ADAMTS1: variants seen among roughly 807,000 people sequenced by gnomAD.
ADAMTS1 encodes A disintegrin and metalloproteinase with thrombospondin motifs 1.
In ADAMTS1, 19 loss-of-function variants were observed where a neutral mutation model predicts 87.9. That is an observed-to-expected ratio of 0.22 (90% CI 0.15 to 0.32). The LOEUF is 0.32. Among genes scored for constraint, ADAMTS1 ranks in the 10% least tolerant of loss-of-function variants. The pLI, the probability that ADAMTS1 is intolerant of heterozygous loss-of-function variation, is 1.00. For synonymous variants in ADAMTS1, 542 were observed against 501.8 expected (o/e 1.08, Z -1.07); for missense variants, 1,240 against 1,259.1 (o/e 0.98, Z 0.23).
In ADAMTS1 at chr21:26,837,654, T is replaced by C. The variant is rs774821926; in HGVS notation, c.2829A>G (p.Leu943=). The C allele has an allele frequency of 9.9e-6, 16 of 1,614,198 alleles. No homozygotes were observed. In the South Asian group the frequency reaches 1.1e-4, roughly 11 times the overall value. Residue 943 remains leucine (L), a synonymous_variant, in exon 9 of 9, where the codon TTA becomes TTG. Transcript: ENST00000284984. ...LKCLSHDGGV[L]SHESCDPLKK... ...TTAAAGGATCACAGCTCTCATGAGA[T>C]AACACCCCTCCATCATGGGACAGAC...
At chr21:26,844,039 C>A (rs540490739) in intron 1 of ADAMTS1, among the ~76,000 whole-genome samples, 186 bp downstream of exon 1, 1 of 152,294 alleles carries the variant, frequency 6.6e-6, no homozygotes, top group Non-Finnish European at 1.5e-5. Flanking sequence ...CGGGCAAATG[C>A]AAGTATGTTT....
At position 26,844,369 on chromosome 21, in the gene ADAMTS1, C is replaced by A. The variant is rs567473733; in HGVS notation, c.586G>T (p.Gly196Cys). ...LRRNRQGDVG[G>C]TCGVVDDEPR... ...TCGTCGTCCACGACCCCGCACGTGCCGCCGACGTCGCCCTGCCGATTCCGC... is the reference window on the plus strand; with the variant it reads ...TCGTCGTCCACGACCCCGCACGTGCAGCCGACGTCGCCCTGCCGATTCCGC... Residue 196 changes from glycine (G) to cysteine (C), a missense_variant, in exon 1 of 9, where the codon GGC becomes TGC. Around this residue, in one of 3 missense-constraint regions of ADAMTS1, gnomAD observed 521 missense variants for 449.7 expected, o/e 1.16. Coordinates refer to ENST00000284984, the MANE Select transcript of ADAMTS1 (RefSeq NM_006988.5). 2.8e-5 allele frequency: 44 copies of A among 1,593,196 alleles called. No individual in the cohort carries two copies. The East Asian group carries it at 9.3e-4, about 34-fold the overall frequency.
intron 7 of ADAMTS1, 156 bp downstream of exon 7, chr21:26,839,431 C>A (rs895648619): frequency 6.8e-5 from 45 of 658,074 alleles, no homozygotes; most frequent in Non-Finnish European, 1.0e-4. Flanking sequence ...AAACTCAAAG[C>A]AGGCAGTTGC....
At position 26,842,543 on chromosome 21, in the gene ADAMTS1, T is replaced by C; in HGVS notation, c.873A>G (p.Arg291=). Residue 291 remains arginine, a synonymous_variant, in exon 2 of 9, where the codon AGA becomes AGG. Transcript: ENST00000284984. ...YLLTLFSVAA[R]LYKHPSIRNS... Reference sequence around the variant, plus strand: ...TACGAATGCTGGGGTGTTTGTACAATCTGGCTGCCACCGAAAACAACGTGA... The same window carrying C: ...TACGAATGCTGGGGTGTTTGTACAACCTGGCTGCCACCGAAAACAACGTGA... The C allele has an allele frequency of 6.2e-7, 1 of 1,614,194 alleles. No homozygotes were observed. The highest frequency in any genetic ancestry group is 8.5e-7 in the Non-Finnish European group (1 of 1,180,036).
Position 26,844,423 on chromosome 21 carries a change from G to A in ADAMTS1, c.532C>T (p.Pro178Ser), listed in dbSNP as rs1985567858. 3 of 1,588,640 alleles carry A rather than the reference G, an allele frequency of 1.9e-6. No individual in the cohort carries two copies. The highest frequency in any genetic ancestry group is 1.7e-4 in the Middle Eastern group (1 of 6,002). The change falls in exon 1 of 9, where the codon CCG becomes TCG. Residue 178 changes from proline (P) to serine (S), a missense_variant. This residue lies in a region of ADAMTS1 where 521 missense variants were observed against 449.7 expected (regional missense o/e 1.16). Coordinates refer to ENST00000284984, the MANE Select transcript of ADAMTS1 (RefSeq NM_006988.5). ...LATAAPGEKP[P>S]APLQFHLLRR... ...AGGAGGTGGAACTGTAGTGGTGCCG[G>A]CGGCTTCTCCCCTGGGGCGGCGGTG...
At position 26,837,776 on chromosome 21, in the gene ADAMTS1, G is replaced by A; in HGVS notation, c.2707C>T (p.Pro903Ser). Residue 903 changes from proline (P) to serine (S), a missense_variant, in exon 9 of 9, where the codon CCT (proline) becomes TCT (serine). This residue lies in a region of ADAMTS1 where 402 missense variants were observed against 399.1 expected (regional missense o/e 1.01). Coordinates refer to ENST00000284984, the MANE Select transcript of ADAMTS1 (RefSeq NM_006988.5). ...TGGGGGCAGGGATGGTCTGCACAAGGTCTGGTGCTGGCTGGCTTCACTTCC... is the reference window on the plus strand; with the variant it reads ...TGGGGGCAGGGATGGTCTGCACAAGATCTGGTGCTGGCTGGCTTCACTTCC... ...AKEVKPASTR[P>S]CADHPCPQWQ... The A allele has an allele frequency of 6.2e-7, 1 of 1,614,166 alleles. No homozygotes were observed. Among genetic ancestry groups the A allele is most frequent in the Non-Finnish European group, 8.5e-7 (1 of 1,180,026 alleles).
Position 26,841,249 on chromosome 21 carries a change from C to T in ADAMTS1, c.1211-84G>A, listed in dbSNP as rs572875189. ...ACACCTGTAATTCCAGAAGCCGAGG[C>T]GGGTGGATCACTTGAGGTCAGGAGT... On this transcript the variant is annotated intron_variant, in intron 3 of 8. Coordinates refer to ENST00000284984, the MANE Select transcript of ADAMTS1 (RefSeq NM_006988.5). The T allele has an allele frequency of 2.4e-5, 35 of 1,459,330 alleles. No individual in the cohort carries two copies. The Admixed American group carries it at 2.9e-4, about 12-fold the overall frequency. 90.4% of individuals were successfully genotyped at this position (1,459,330 alleles called of 1,614,324 possible). A position where few individuals can be genotyped will look rare whatever the true frequency, so the allele number is the denominator to read the frequency against.
At position 26,838,298 on chromosome 21, in the gene ADAMTS1, G is replaced by A. The variant is rs781174993; in HGVS notation, c.2205-20C>T. 6 of 1,585,576 alleles carry A rather than the reference G, an allele frequency of 3.8e-6. No individual in the cohort carries two copies. Among genetic ancestry groups the A allele is most frequent in the African/African-American group, 1.4e-5 (1 of 73,952 alleles). Reference sequence around the variant, plus strand: ...CCAGGTCTGCAGGTGACAAAAACAGGCATAAATCTCTGATTCATTGGCTAA... The same window carrying A: ...CCAGGTCTGCAGGTGACAAAAACAGACATAAATCTCTGATTCATTGGCTAA... On this transcript the variant is annotated intron_variant, in intron 8 of 8. Transcript: ENST00000284984.
Position 26,845,302 on chromosome 21 carries a change from C to T in ADAMTS1, c.-348G>A. Reference sequence around the variant, plus strand: ...GCCTGGCGCCCCTCTTCGGCCTCCGCCTTGGCTGCGATGTTGCTCACTCTG... The same window carrying T: ...GCCTGGCGCCCCTCTTCGGCCTCCGTCTTGGCTGCGATGTTGCTCACTCTG... On this transcript the variant is annotated 5_prime_UTR_variant, in exon 1 of 9. Transcript: ENST00000284984. 4.1e-6 allele frequency: 1 copy of T among 244,242 alleles called. No individual in the cohort carries two copies. Among genetic ancestry groups the T allele is most frequent in the Non-Finnish European group, 7.8e-6 (1 of 128,082 alleles). The allele number at this position is 244,242 out of a possible 1,614,324, so 15.1% of individuals were successfully genotyped here.
intron 4 of ADAMTS1, 110 bp from the exon 5 acceptor site, chr21:26,840,672 C>A (rs1040853789): frequency 3.9e-6 from 5 of 1,266,698 alleles, no homozygotes; most frequent in Non-Finnish European, 3.3e-6. Flanking sequence ...GCAAAGTGAT[C>A]TGAAAACTGT....
chr21:26,844,409 C>T lies in ADAMTS1; in HGVS notation c.546G>A (p.Gln182=), dbSNP rs1985566933. ...GCCGATTCCGCCGCAGGAGGTGGAA[C>T]TGTAGTGGTGCCGGCGGCTTCTCCC... The part of the protein sequence containing the change: ...APGEKPPAPL[Q]FHLLRRNRQG... Residue 182 remains glutamine (Q), a synonymous_variant, in exon 1 of 9, where the codon CAG becomes CAA. Coordinates refer to ENST00000284984, the MANE Select transcript of ADAMTS1 (RefSeq NM_006988.5). 1 of 1,593,874 alleles carries T rather than the reference C, an allele frequency of 6.3e-7. No individual in the cohort carries two copies. The highest frequency in any genetic ancestry group is 1.1e-5 in the South Asian group (1 of 88,450).
chr21:26,841,848 G>A lies in ADAMTS1; in HGVS notation c.1210+10C>T, dbSNP rs1437850303. On this transcript the variant is annotated intron_variant, in intron 3 of 8. Coordinates refer to ENST00000284984, the MANE Select transcript of ADAMTS1 (RefSeq NM_006988.5). ...AATTGAGCTTAACTTCTACTTTGAA[G>A]CAGACTTACCTAATTCATGGGCTGT... 1.9e-6 allele frequency: 3 copies of A among 1,608,394 alleles called. No individual in the cohort carries two copies. Among genetic ancestry groups the A allele is most frequent in the Non-Finnish European group, 2.5e-6 (3 of 1,178,274 alleles).
At chr21:26,842,854 G>C (rs1197914120) in intron 1 of ADAMTS1, 169 bp from the exon 2 acceptor site, 3 of 616,464 alleles carry the variant, frequency 4.9e-6, no homozygotes, top group Non-Finnish European at 8.5e-6. Context: ...TATTTTTAAA[G>C]TTCTCTCCTC....
Position 26,839,591 on chromosome 21 carries a change from G to C in ADAMTS1, c.2024C>G (p.Pro675Arg). 6.3e-7 allele frequency: 1 copy of C among 1,595,748 alleles called. No homozygotes were observed. The highest frequency in any genetic ancestry group is 1.7e-5 in the Admixed American group (1 of 58,836). Residue 675 changes from proline to arginine, a missense_variant, in exon 7 of 9, where the codon CCC (proline) becomes CGC (arginine). This residue lies in a region of ADAMTS1 where 402 missense variants were observed against 399.1 expected (regional missense o/e 1.01). Transcript: ENST00000284984. The stretch of plus-strand genomic sequence containing the variant: ...AATAAGGTAAAAACGAACTACCTTG[G>C]GCTGCAAAACGAAGAAGTAGCCAAT... ...KGIGYFFVLQPKVVDGTPCSP... is the reference protein window; with the variant it reads ...KGIGYFFVLQRKVVDGTPCSP...
Position 26,838,480 on chromosome 21 carries a change from T to G in ADAMTS1, c.2163A>C (p.Gly721=), listed in dbSNP as rs145513522. The G allele has an allele frequency of 2.2e-5, 36 of 1,614,038 alleles. No individual in the cohort carries two copies. In the African/African-American group the frequency reaches 4.4e-4, roughly 20 times the overall value. Reference sequence around the variant, plus strand: ...ATCCTGATATTTTTTTACAAGTAGATCCATTTCCCCCGCAAACACCACATT... The same window carrying G: ...ATCCTGATATTTTTTTACAAGTAGAGCCATTTCCCCCGCAAACACCACATT... ...FDKCGVCGGN[G]STCKKISGSV... is the part of the protein sequence containing the mutation. Residue 721 remains glycine, a synonymous_variant, in exon 8 of 9, where the codon GGA becomes GGC. Transcript: ENST00000284984.
intron 8 of ADAMTS1, 49 bp from the exon 9 acceptor site, chr21:26,838,327 GATT>G: frequency 6.4e-7 from 1 of 1,565,458 alleles, no homozygotes; most frequent in Middle Eastern, 1.7e-4. Context: ...TGGCTAATTA[GATT>G]ATTTAGCTTA....
chr21:26,839,670 A>T lies in ADAMTS1; in HGVS notation c.1945T>A (p.Tyr649Asn). 1 of 1,614,036 alleles carries T rather than the reference A, an allele frequency of 6.2e-7. No homozygotes were observed. The highest frequency in any genetic ancestry group is 8.5e-7 in the Non-Finnish European group (1 of 1,179,892). Residue 649 changes from tyrosine to asparagine, a missense_variant, in exon 7 of 9, where the codon TAC becomes AAC. Physicochemically the swap from Tyr to Asn is moderately radical, Grantham distance 143. Transcript: ENST00000284984. ...CTGTCCTTTGGTGAGACGCCAGCGT[A>T]CTTGGGAATCCATTCCACCGCAGGC... ...SGPAVEWIPK[Y>N]AGVSPKDRCK...
At position 26,840,580 on chromosome 21, in the gene ADAMTS1, A is replaced by G. The variant is rs1985473498; in HGVS notation, c.1379-18T>C. On this transcript the variant is annotated intron_variant, in intron 4 of 8. Coordinates refer to ENST00000284984, the MANE Select transcript of ADAMTS1 (RefSeq NM_006988.5). ...ACATTCCCCTGCAAAGGAAATGCCA[A>G]CCAATATCAATACAGAGTTAGTGAG... The G allele has an allele frequency of 6.2e-7, 1 of 1,610,772 alleles. No individual in the cohort carries two copies. The highest frequency in any genetic ancestry group is 1.3e-5 in the African/African-American group (1 of 74,898).
intron 3 of ADAMTS1, 138 bp from the exon 4 acceptor site, chr21:26,841,303 A>AC: frequency 1.2e-6 from 1 of 813,370 alleles, no homozygotes; most frequent in Non-Finnish European, 1.9e-6. Context: ...ACATAGTGAA[A>AC]CCCCGTCTCT....
Sources: allele counts gnomAD v4.1 joint callset (sites outside exome capture counted in the v4.1 genomes callset), GRCh38; gene constraint gnomAD v4.1.1; regional missense constraint gnomAD v4.1.1; transcripts MANE v1.5; gene names NCBI Gene and HGNC (gene_info 2026-07-23, HGNC 2026-07-21).